The following NUDT7 variants were observed in gnomAD, a reference collection of about 807,000 sequenced individuals.
NUDT7 encodes peroxisomal coenzyme A diphosphatase NUDT7.
In NUDT7, 19 loss-of-function variants were observed where a neutral mutation model predicts 13.1. The ratio of observed to expected loss-of-function variants is 1.45; its 90% CI spans 1.01 to 2.13. NUDT7 has a LOEUF of 2.13. Among genes scored for constraint, NUDT7 ranks in the 30% most tolerant of loss-of-function variants. NUDT7 has a pLI of 0.00. For missense variants in NUDT7, 360 were observed against 291.7 expected, an observed-to-expected ratio of 1.23 and a Z score of -1.71; for synonymous variants, 132 against 109.7, an observed-to-expected ratio of 1.20 and a Z score of -1.27.
chr16:77,725,081 CCTT>C (rs2014087064), intron 1 of NUDT7, among the ~76,000 whole-genome samples: 1 of 152,186 alleles, frequency 6.6e-6, no homozygotes, highest in African/African-American at 2.4e-5. Flanking sequence ...AGTCTTCTAA[CCTT>C]CTAACCTTAA....
chr16:77,727,587 G>A (rs1441277165), intron 2 of NUDT7, among the ~76,000 whole-genome samples: 1 of 152,242 alleles, frequency 6.6e-6, no homozygotes, highest in Non-Finnish European at 1.5e-5. Flanking sequence ...GTGTGCGGTG[G>A]CTCACGCCTG....
chr16:77,726,511 C>T (rs2145104362), intron 2 of NUDT7, among the ~76,000 whole-genome samples: 1 of 152,180 alleles, frequency 6.6e-6, no homozygotes, highest in South Asian at 2.1e-4. Context: ...AACGAAATAC[C>T]TGAGGCTGGG....
chr16:77,739,277 G>C (rs983763285), intron 3 of NUDT7, among the ~76,000 whole-genome samples: 6 of 152,206 alleles, frequency 3.9e-5, no homozygotes. Context: ...AGCATGTGCT[G>C]CTGGTTGGCC....
chr16:77,728,229 C>T lies in NUDT7; in HGVS notation c.189+2645C>T, dbSNP rs750872340. 3.9e-5 allele frequency among the ~76,000 whole-genome samples: 6 copies of T among 152,020 alleles called. No individual in the cohort carries two copies. The East Asian group carries it at 1.2e-3, about 30-fold the overall frequency. On this transcript the variant is annotated intron_variant, in intron 2 of 3. Coordinates refer to ENST00000268533, the MANE Select transcript of NUDT7 (RefSeq NM_001105663.3). Reference sequence around the variant, plus strand: ...CAATCTCCCACTAGCTCTGGAACCTCGAACAAGTTTTTCTTTTTTTTCAGA... The same window carrying T: ...CAATCTCCCACTAGCTCTGGAACCTTGAACAAGTTTTTCTTTTTTTTCAGA...
intron 2 of NUDT7, among the ~76,000 whole-genome samples, chr16:77,728,614 AG>A (rs1312047015): frequency 6.6e-6 from 1 of 152,182 alleles, no homozygotes; most frequent in Non-Finnish European, 1.5e-5. Context: ...CTCATGTGCA[AG>A]GTTGTTCTGA....
At chr16:77,732,364 A>G (rs1408731149) in intron 2 of NUDT7, among the ~76,000 whole-genome samples, 1 of 152,028 alleles carries the variant, frequency 6.6e-6, no homozygotes, top group Non-Finnish European at 1.5e-5. Context: ...TTTTATAAAC[A>G]TACTATAGCC....
chr16:77,724,388 A>G (rs1289690272), intron 1 of NUDT7, among the ~76,000 whole-genome samples: 1 of 151,716 alleles, frequency 6.6e-6, no homozygotes, highest in Non-Finnish European at 1.5e-5. Context: ...CCGCCTTCCA[A>G]GTAGCTGGGA....
At chr16:77,734,122 A>G (rs2014402703) in intron 2 of NUDT7, among the ~76,000 whole-genome samples, 2 of 150,490 alleles carry the variant, frequency 1.3e-5, no homozygotes, top group East Asian at 4.0e-4. Context: ...AGATAAACAT[A>G]GATGCCAACA....
intron 2 of NUDT7, among the ~76,000 whole-genome samples, chr16:77,732,134 C>T (rs993172445): frequency 6.6e-6 from 1 of 152,046 alleles, no homozygotes; most frequent in Non-Finnish European, 1.5e-5. Context: ...TCGAGACCAG[C>T]CTGGCCAACA....
At position 77,742,148 on chromosome 16, in the gene NUDT7, T is replaced by C; in HGVS notation, c.*198T>C. On this transcript the variant is annotated 3_prime_UTR_variant, in exon 4 of 4. Transcript: ENST00000268533. ...AGCCATTCAAAAATGAAAACTATGT[T>C]CATAGTGTTGCATATTTTCACCCAC... The C allele has an allele frequency of 7.8e-7, 1 of 1,281,452 alleles. No individual in the cohort carries two copies. The highest frequency in any genetic ancestry group is 2.2e-5 in the South Asian group (1 of 45,884). 79.4% of individuals were successfully genotyped at this position (1,281,452 alleles called of 1,614,324 possible).
At chr16:77,736,027 C>A (rs368352860) in intron 3 of NUDT7, 41 bp downstream of exon 3, 1,029 of 1,571,968 alleles carry the variant, frequency 6.5e-4, no homozygotes, top group Non-Finnish European at 8.6e-4. Context: ...CGTCCCCACC[C>A]CCAGGTGGAT....
intron 3 of NUDT7, among the ~76,000 whole-genome samples, chr16:77,738,790 T>C (rs1217828415): frequency 6.6e-6 from 1 of 152,190 alleles, no homozygotes; most frequent in African/African-American, 2.4e-5. Context: ...CCACCCCAGT[T>C]TTCCCTTTTG....
In NUDT7 at chr16:77,740,701, C is replaced by A. The variant is rs540335624; in HGVS notation, c.349-881C>A. Among the ~76,000 whole-genome samples, 23 of 152,200 alleles carry A rather than the reference C, an allele frequency of 1.5e-4. No individual in the cohort carries two copies. In the South Asian group the frequency reaches 4.6e-3, roughly 30 times the overall value. Reference sequence around the variant, plus strand: ...TAGCTGGGATTACAGGCACGCACCACCACACCCGGCTAATTTGTGTATTTT... The same window carrying A: ...TAGCTGGGATTACAGGCACGCACCAACACACCCGGCTAATTTGTGTATTTT... On this transcript the variant is annotated intron_variant, in intron 3 of 3. Transcript: ENST00000268533.
rs1237125528 is a variant in NUDT7, at chr16:77,741,672, G to A, written c.439G>A (p.Val147Met). The A allele has an allele frequency of 6.2e-7, 1 of 1,614,092 alleles. No individual in the cohort carries two copies. Among genetic ancestry groups the A allele is most frequent in the African/African-American group, 1.3e-5 (1 of 75,032 alleles). ...TGCTGAAGTTAAGGATGTATTCCTG[G>A]TGCCTCTGGCCTATTTCCTGCATCC... ...NPAEVKDVFL[V>M]PLAYFLHPQV... Residue 147 changes from valine to methionine, a missense_variant, in exon 4 of 4, where the codon GTG (valine) becomes ATG (methionine). Transcript: ENST00000268533.
intron 2 of NUDT7, among the ~76,000 whole-genome samples, chr16:77,728,788 G>A (rs1192928727): frequency 2.0e-5 from 3 of 152,294 alleles, no homozygotes; most frequent in Non-Finnish European, 4.4e-5. Context: ...CAAAGAGCTG[G>A]CAAACCCCTT....
At chr16:77,725,175 A>T (rs565503832) in intron 1 of NUDT7, among the ~76,000 whole-genome samples, 12 of 152,312 alleles carry the variant, frequency 7.9e-5, no homozygotes, top group African/African-American at 2.4e-4. Context: ...TTGAAAAAAC[A>T]TTTTACCATA....
At chr16:77,730,848 C>A (rs2014296407) in intron 2 of NUDT7, among the ~76,000 whole-genome samples, 1 of 151,738 alleles carries the variant, frequency 6.6e-6, no homozygotes, top group South Asian at 2.1e-4. Flanking sequence ...TTTGAATTTT[C>A]CTGGTGATTA....
intron 3 of NUDT7, 171 bp downstream of exon 3, chr16:77,736,157 C>A: frequency 3.4e-6 from 2 of 583,258 alleles, no homozygotes; most frequent in Non-Finnish European, 6.0e-6. Flanking sequence ...CTATGGGCAA[C>A]CCCTTTTGCC....
At chr16:77,731,912 T>A (rs1359771089) in intron 2 of NUDT7, among the ~76,000 whole-genome samples, 1 of 152,160 alleles carries the variant, frequency 6.6e-6, no homozygotes, top group Non-Finnish European at 1.5e-5. Context: ...AAATATTTTG[T>A]ATAGCTGTGT....
Sources: allele counts gnomAD v4.1 joint callset (sites outside exome capture counted in the v4.1 genomes callset), GRCh38; gene constraint gnomAD v4.1.1; transcripts MANE v1.5; gene names NCBI Gene and HGNC (gene_info 2026-07-23, HGNC 2026-07-21).